ATP5F1C: variants seen among roughly 807,000 people sequenced by gnomAD.
ATP5F1C encodes the protein ATP synthase F(1) complex subunit gamma, mitochondrial.
ATP5F1C carries 22 observed loss-of-function variants against 37.4 expected under a neutral mutation model. That is an observed-to-expected ratio of 0.59 (90% confidence interval 0.42 to 0.84). ATP5F1C has a LOEUF of 0.84. ATP5F1C is among the 40% of genes least tolerant of loss of function. The pLI, the probability that ATP5F1C is intolerant of heterozygous loss-of-function variation, is 0.00. For synonymous variants in ATP5F1C, 121 were observed against 128.0 expected, an observed-to-expected ratio of 0.95 and a Z score of 0.37; for missense variants, 286 against 362.4, an observed-to-expected ratio of 0.79 and a Z score of 1.71.
intron 6 of ATP5F1C, 160 bp from the exon 7 acceptor site, chr10:7,802,110 G>A (rs1836377156): frequency 1.4e-6 from 1 of 708,488 alleles, no homozygotes; most frequent in Non-Finnish European, 2.2e-6. Flanking sequence ...ATCATCTGTA[G>A]TGTGGAAATA....
chr10:7,796,829 C>A, intron 2 of ATP5F1C: 1 of 367,594 alleles, frequency 2.7e-6, no homozygotes. Flanking sequence ...CGTGATCCGC[C>A]CACCTCAGCC....
rs538865783 is a variant in ATP5F1C at position 7,804,865 on chromosome 10, C to T, written c.890+2011C>T. Among the ~76,000 whole-genome samples, 7 of 152,274 alleles carry T rather than the reference C, an allele frequency of 4.6e-5. No individual in the cohort carries two copies. The East Asian group carries it at 5.8e-4, about 13-fold the overall frequency. ...AATGTGGGTCCATGGTTTTAAGAGTCAGGGAAAAGTTCATCACTATTTAAA... is the reference window on the plus strand; with the variant it reads ...AATGTGGGTCCATGGTTTTAAGAGTTAGGGAAAAGTTCATCACTATTTAAA... On this transcript the variant is annotated intron_variant, in intron 8 of 9. Coordinates refer to ENST00000356708, the MANE Select transcript of ATP5F1C (RefSeq NM_001001973.3).
intron 3 of ATP5F1C, 27 bp from the exon 4 acceptor site, chr10:7,798,963 A>G: frequency 2.5e-6 from 4 of 1,601,214 alleles, no homozygotes; most frequent in Non-Finnish European, 3.4e-6. Context: ...GCATATAAAA[A>G]AATTACTGCT....
In ATP5F1C at chr10:7,788,229, G is replaced by T. The variant is rs778382251; in HGVS notation, c.22G>T (p.Ala8Ser). 6.2e-7 allele frequency: 1 copy of T among 1,613,508 alleles called. No homozygotes were observed. The highest frequency in any genetic ancestry group is 8.5e-7 in the Non-Finnish European group (1 of 1,179,918). The part of the protein sequence containing the change: MFSRAGV[A>S]GLSAWTLQPQ... The stretch of plus-strand genomic sequence containing the variant: ...TACCATGTTCTCTCGCGCGGGTGTC[G>T]CTGGGCTGTCGGCCTGGACCTTGCA... The change falls in exon 1 of 10, where the codon GCT (alanine) becomes TCT (serine). Residue 8 changes from alanine (A) to serine (S), a missense_variant. Ala to Ser is a moderately conservative substitution (Grantham distance 99). Coordinates refer to ENST00000356708, the MANE Select transcript of ATP5F1C (RefSeq NM_001001973.3).
rs1420828498 is a variant in ATP5F1C at position 7,802,331 on chromosome 10, T to C, written c.699T>C (p.Asn233=). Residue 233 remains asparagine, a synonymous_variant, in exon 7 of 10, where the codon AAT becomes AAC. Coordinates refer to ENST00000356708, the MANE Select transcript of ATP5F1C (RefSeq NM_001001973.3). ...ADVLQNYQEY[N]LANIIYYSLK... Reference sequence around the variant, plus strand: ...TGCTGCAAAATTACCAAGAATACAATCTGGCCAACATCATCTACTACTCTC... The same window carrying C: ...TGCTGCAAAATTACCAAGAATACAACCTGGCCAACATCATCTACTACTCTC... 2 of 1,614,040 alleles carry C rather than the reference T, an allele frequency of 1.2e-6. No individual in the cohort carries two copies. Among genetic ancestry groups the C allele is most frequent in the East Asian group, 2.2e-5 (1 of 44,880 alleles).
chr10:7,795,791 A>AC (rs1836227761), intron 1 of ATP5F1C, among the ~76,000 whole-genome samples: 1 of 152,130 alleles, frequency 6.6e-6, no homozygotes, highest in Non-Finnish European at 1.5e-5. Context: ...GGGCAGCTTA[A>AC]CAAGGGGAGG....
chr10:7,803,469 T>C (rs948332470), intron 8 of ATP5F1C, among the ~76,000 whole-genome samples: 60 of 152,182 alleles, frequency 3.9e-4, no homozygotes, highest in Admixed American at 3.1e-3. Flanking sequence ...TAATGCTATG[T>C]AAATTGTTGT....
Position 7,797,172 on chromosome 10 carries a change from T to A in ATP5F1C, c.217T>A (p.Ser73Thr), listed in dbSNP as rs1484297357. 1 of 1,613,600 alleles carries A rather than the reference T, an allele frequency of 6.2e-7. No homozygotes were observed. The highest frequency in any genetic ancestry group is 1.3e-5 in the African/African-American group (1 of 74,922). The change falls in exon 3 of 10, where the codon TCT becomes ACT. Residue 73 changes from serine to threonine, a missense_variant. Physicochemically the swap from Ser to Thr is moderately conservative, Grantham distance 58. Transcript: ENST00000356708. ...LKPARIYGLG[S>T]LALYEKADIK... is the part of the protein sequence containing the mutation. Reference sequence around the variant, plus strand: ...ACCAGCTCGAATATATGGATTGGGATCTTTAGGTAAGGGAAGAGTGTAATT... The same window carrying A: ...ACCAGCTCGAATATATGGATTGGGAACTTTAGGTAAGGGAAGAGTGTAATT...
chr10:7,800,789 C>T (rs1219961351), intron 6 of ATP5F1C, among the ~76,000 whole-genome samples: 1 of 152,206 alleles, frequency 6.6e-6, no homozygotes, highest in East Asian at 1.9e-4. Flanking sequence ...GCCACTGCAC[C>T]CGGCCGATCT....
chr10:7,798,729 C>G (rs1305693579), intron 3 of ATP5F1C, among the ~76,000 whole-genome samples: 3 of 151,960 alleles, frequency 2.0e-5, no homozygotes, highest in Non-Finnish European at 2.9e-5. Context: ...CGGGATTTCA[C>G]TACGTTGGCC....
At chr10:7,805,746 C>CAAAAAA (rs547312025) in intron 8 of ATP5F1C, among the ~76,000 whole-genome samples, 2 of 89,834 alleles carry the variant, frequency 2.2e-5, no homozygotes, top group African/African-American at 4.3e-5. Context: ...GACTCCTTCT[C>CAAAAAA]AAAAAAAAAA....
intron 6 of ATP5F1C, 53 bp from the exon 7 acceptor site, chr10:7,802,217 A>G (rs1836379394): frequency 6.6e-7 from 1 of 1,522,002 alleles, no homozygotes; most frequent in African/African-American, 1.4e-5. Context: ...GTTTTTGATG[A>G]ATTACTATTC....
chr10:7,791,282 C>T (rs1836160446), intron 1 of ATP5F1C, among the ~76,000 whole-genome samples: 1 of 151,448 alleles, frequency 6.6e-6, no homozygotes, highest in South Asian at 2.1e-4. Context: ...CCTGGCGACA[C>T]AGTGAGACTC....
intron 3 of ATP5F1C, 43 bp from the exon 4 acceptor site, chr10:7,798,947 T>C (rs745322141): frequency 2.8e-5 from 42 of 1,518,616 alleles, no homozygotes; most frequent in Non-Finnish European, 3.4e-5. Flanking sequence ...TTGTATTTAG[T>C]GTATTGCATA....
chr10:7,804,133 C>T (rs1161746816), intron 8 of ATP5F1C: 1 of 519,004 alleles, frequency 1.9e-6, no homozygotes, highest in Admixed American at 1.9e-5. Flanking sequence ...AGAATGGGTT[C>T]TGCATTTTTA....
intron 6 of ATP5F1C, 70 bp from the exon 7 acceptor site, chr10:7,802,199 GA>G: frequency 4.0e-6 from 6 of 1,481,956 alleles, no homozygotes; most frequent in Non-Finnish European, 5.4e-6. Context: ...GTTTTACACT[GA>G]AAAGCTGTTT....
Position 7,803,057 on chromosome 10 carries a change from CG to C in ATP5F1C, c.890+206del, listed in dbSNP as rs201621954. Reference sequence around the variant, plus strand: ...TTTTATTGTTTCAGCTGGAAACACTCGGGCTTAGTTTTCGGTTTTCTAAAGG... The same window carrying C: ...TTTTATTGTTTCAGCTGGAAACACTCGGCTTAGTTTTCGGTTTTCTAAAGG... On this transcript the variant is annotated intron_variant, in intron 8 of 9. Coordinates refer to ENST00000356708, the MANE Select transcript of ATP5F1C (RefSeq NM_001001973.3). 7.5e-3 allele frequency among the ~76,000 whole-genome samples: 1,138 copies of C among 152,180 alleles called. 19 individuals carry two copies. The highest frequency in any genetic ancestry group is 0.026 in the African/African-American group (1,063 of 41,506).
At chr10:7,798,569 G>A (rs1836285787) in intron 3 of ATP5F1C, among the ~76,000 whole-genome samples, 1 of 152,184 alleles carries the variant, frequency 6.6e-6, no homozygotes, top group African/African-American at 2.4e-5. Context: ...ACCACGCCTG[G>A]CTAATTTTTT....
intron 3 of ATP5F1C, among the ~76,000 whole-genome samples, chr10:7,798,318 C>T (rs1836280361): frequency 6.6e-6 from 1 of 151,138 alleles, no homozygotes; most frequent in Non-Finnish European, 1.5e-5. Context: ...CTCACTACAA[C>T]CTCCCCCTCC....
Sources: gnomAD v4.1 joint callset for allele counts (sites outside exome capture counted in the v4.1 genomes callset) on GRCh38, gnomAD v4.1.1 for gene constraint, MANE v1.5 for transcripts, NCBI Gene and HGNC (gene_info 2026-07-23, HGNC 2026-07-21) for gene names.